Variants in CDK17 observed in about 807,000 individuals in gnomAD.
CDK17 encodes the protein cyclin dependent kinase 17.
A neutral mutation model predicts 77.6 loss-of-function variants in CDK17; 24 were observed. The ratio of observed to expected loss-of-function variants is 0.31; its 90% CI spans 0.22 to 0.44. CDK17 has a LOEUF of 0.44. Ranked by LOEUF, CDK17 falls within the 20% of genes least tolerant of loss-of-function variation. The pLI is 1.00. For synonymous variants in CDK17, 203 were observed against 210.4 expected (o/e 0.96, Z 0.30); for missense variants, 429 against 622.5 (o/e 0.69, Z 3.31).
chr12:96,346,435 G>T (rs931186384), intron 1 of CDK17, among the ~76,000 whole-genome samples: 1 of 145,828 alleles, frequency 6.9e-6, no homozygotes, highest in African/African-American at 2.6e-5. Flanking sequence ...CTGGGTGACA[G>T]AGTGAGACTC....
chr12:96,311,016 G>A, intron 5 of CDK17, 36 bp downstream of exon 5: 3 of 1,568,358 alleles, frequency 1.9e-6, no homozygotes, highest in Non-Finnish European at 2.6e-6. Flanking sequence ...AAGCAGATCT[G>A]ATTGATGGTG....
intron 5 of CDK17, chr12:96,303,056 A>AAAGCC (rs1952529092): frequency 6.6e-6 from 1 of 152,228 alleles, no homozygotes; most frequent in Non-Finnish European, 1.5e-5. Context: ...CTTTAAATAA[A>AAAGCC]ATTTTTAGAA....
At chr12:96,349,495 A>T (rs1953278619) in intron 1 of CDK17, among the ~76,000 whole-genome samples, 1 of 151,696 alleles carries the variant, frequency 6.6e-6, no homozygotes. Flanking sequence ...TCACATTAGC[A>T]AAATGAAGAT....
chr12:96,386,036 G>A (rs1244713295), intron 1 of CDK17, among the ~76,000 whole-genome samples: 1 of 152,188 alleles, frequency 6.6e-6, no homozygotes, highest in East Asian at 1.9e-4. Flanking sequence ...GCTTTGTTTT[G>A]AGATAGGGTC....
rs1427722137 is a variant in CDK17, at chr12:96,279,358, A to ATCCT, written c.*880_*883dup. The ATCCT allele has an allele frequency of 6.6e-6, 1 of 152,184 alleles. No individual in the cohort carries two copies. Among genetic ancestry groups the ATCCT allele is most frequent in the East Asian group, 1.9e-4 (1 of 5,204 alleles). 9.4% of individuals were successfully genotyped at this position (152,184 alleles called of 1,614,324 possible). A position where few individuals can be genotyped will look rare whatever the true frequency, so the allele number is the denominator to read the frequency against. On this transcript the variant is annotated 3_prime_UTR_variant, in exon 17 of 17. Transcript: ENST00000261211. The stretch of plus-strand genomic sequence containing the variant: ...AGAAACTATTCCCCAATGAAATATC[A>ATCCT]TCCTTTCTAATAAAATAAATGTATT...
intron 1 of CDK17, among the ~76,000 whole-genome samples, chr12:96,358,274 T>C (rs1953432899): frequency 6.6e-6 from 1 of 151,290 alleles, no homozygotes; most frequent in Admixed American, 6.6e-5. Context: ...ATATTAATTA[T>C]TTTATTGCTG....
At position 96,348,687 on chromosome 12, in the gene CDK17, G is replaced by T. The variant is rs549665361; in HGVS notation, c.-29-13822C>A. 2.6e-5 allele frequency among the ~76,000 whole-genome samples: 4 copies of T among 152,176 alleles called. No homozygotes were observed. The South Asian group carries it at 8.3e-4, about 32-fold the overall frequency. On this transcript the variant is annotated intron_variant, in intron 1 of 16. Coordinates refer to ENST00000261211, the MANE Select transcript of CDK17 (RefSeq NM_002595.5). ...AAAACGGATTATAAAAGAATGCTAT[G>T]AACAATTATATGCTAACAAATTGGA...
chr12:96,292,738 A>G (rs1405818775), intron 10 of CDK17, among the ~76,000 whole-genome samples: 6 of 152,220 alleles, frequency 3.9e-5, no homozygotes, highest in African/African-American at 1.4e-4. Flanking sequence ...GAATACAAAA[A>G]ATTCAAAGCT....
At chr12:96,380,249 A>G (rs1953857592) in intron 1 of CDK17, among the ~76,000 whole-genome samples, 1 of 149,692 alleles carries the variant, frequency 6.7e-6, no homozygotes, top group Admixed American at 6.7e-5. Flanking sequence ...CCAAAAAATT[A>G]CCCAAAAAAG....
At chr12:96,345,526 G>C (rs547507343) in intron 1 of CDK17, among the ~76,000 whole-genome samples, 3 of 152,142 alleles carry the variant, frequency 2.0e-5, no homozygotes, top group Non-Finnish European at 4.4e-5. Flanking sequence ...CATTCGACTG[G>C]TGTGAGATGT....
At chr12:96,392,386 A>G (rs1017765009) in intron 1 of CDK17, among the ~76,000 whole-genome samples, 1 of 152,238 alleles carries the variant, frequency 6.6e-6, no homozygotes, top group African/African-American at 2.4e-5. Context: ...AAAAAAGGAT[A>G]AAATAAGATA....
intron 5 of CDK17, among the ~76,000 whole-genome samples, chr12:96,307,660 C>T (rs1333796811): frequency 6.6e-6 from 1 of 152,048 alleles, no homozygotes; most frequent in Non-Finnish European, 1.5e-5. Flanking sequence ...CACTTGAGGT[C>T]AGGAATTCAA....
intron 9 of CDK17, among the ~76,000 whole-genome samples, chr12:96,295,692 T>C (rs772221950): frequency 1.1e-4 from 17 of 152,322 alleles, no homozygotes; most frequent in Middle Eastern, 6.8e-3. Flanking sequence ...CCAGCTTCTA[T>C]CACCCATCTC....
intron 10 of CDK17, among the ~76,000 whole-genome samples, chr12:96,294,507 T>C (rs1316948503): frequency 2.9e-5 from 4 of 138,002 alleles, no homozygotes; most frequent in Admixed American, 1.7e-4. Flanking sequence ...CACTTGAACC[T>C]GGGAGGCAGA....
At chr12:96,322,267 T>C (rs1952830745) in intron 3 of CDK17, among the ~76,000 whole-genome samples, 1 of 152,134 alleles carries the variant, frequency 6.6e-6, no homozygotes, top group Admixed American at 6.6e-5. Flanking sequence ...AACATACTTT[T>C]CTCCTCCAGC....
At chr12:96,370,866 C>A (rs1953679954) in intron 1 of CDK17, among the ~76,000 whole-genome samples, 1 of 151,946 alleles carries the variant, frequency 6.6e-6, no homozygotes, top group Non-Finnish European at 1.5e-5. Flanking sequence ...TTTTTTGTAA[C>A]CTAAGGTTTC....
chr12:96,372,923 G>A (rs374638737), intron 1 of CDK17, among the ~76,000 whole-genome samples: 1 of 152,194 alleles, frequency 6.6e-6, no homozygotes, highest in African/African-American at 2.4e-5. Flanking sequence ...TATTGTTTGG[G>A]CTATCTGAAT....
At chr12:96,388,422 T>C (rs1039840136) in intron 1 of CDK17, among the ~76,000 whole-genome samples, 1 of 152,182 alleles carries the variant, frequency 6.6e-6, no homozygotes, top group Admixed American at 6.5e-5. Context: ...ACAAGAAGGA[T>C]GCAACACACA....
At chr12:96,323,807 C>T (rs1329701085) in intron 3 of CDK17, 141 bp downstream of exon 3, 6 of 539,464 alleles carry the variant, frequency 1.1e-5, no homozygotes, top group Non-Finnish European at 1.9e-5. Context: ...AACTTTCCAT[C>T]CTTCTGCTAT....
Sources: allele counts gnomAD v4.1 joint callset (sites outside exome capture counted in the v4.1 genomes callset), GRCh38; gene constraint gnomAD v4.1.1; transcripts MANE v1.5; gene names NCBI Gene and HGNC (gene_info 2026-07-23, HGNC 2026-07-21).